The following AUTS2 variants were observed in gnomAD, a reference collection of about 807,000 sequenced individuals.
The protein encoded by AUTS2 is autism susceptibility gene 2 protein.
Under a neutral mutation model 112.4 loss-of-function variants are expected in AUTS2, and 17 were observed. The ratio of observed to expected loss-of-function variants is 0.15; its 90% CI spans 0.10 to 0.23. The LOEUF is 0.23. Among genes scored for constraint, AUTS2 ranks in the 10% least tolerant of loss-of-function variants. The probability of loss-of-function intolerance (pLI) is 1.00; values close to 1 mark genes in which losing one functional copy is unlikely to be tolerated. For synonymous variants in AUTS2, 751 were observed against 702.7 expected, an observed-to-expected ratio of 1.07 and a Z score of -1.09; for missense variants, 1,510 against 1,701.6, an observed-to-expected ratio of 0.89 and a Z score of 1.98.
At chr7:69,656,859 C>T (rs1233317169) in intron 1 of AUTS2, among the ~76,000 whole-genome samples, 1 of 152,156 alleles carries the variant, frequency 6.6e-6, no homozygotes, top group Non-Finnish European at 1.5e-5. Flanking sequence ...GTGATAGTTG[C>T]TGATTCTCCT....
intron 2 of AUTS2, among the ~76,000 whole-genome samples, chr7:70,058,024 A>G (rs895604397): frequency 1.3e-5 from 2 of 152,232 alleles, no homozygotes; most frequent in African/African-American, 4.8e-5. Context: ...AAAGACAGTC[A>G]TGGGAATAAA....
intron 5 of AUTS2, among the ~76,000 whole-genome samples, chr7:70,598,066 G>T (rs546284768): frequency 1.3e-5 from 2 of 152,122 alleles, no homozygotes; most frequent in African/African-American, 4.8e-5. Context: ...TCATAAATCC[G>T]CTTGGTTAAT....
At chr7:70,195,199 A>G (rs1007372614) in intron 4 of AUTS2, among the ~76,000 whole-genome samples, 3 of 152,244 alleles carry the variant, frequency 2.0e-5, no homozygotes, top group Non-Finnish European at 2.9e-5. Context: ...AACTATTAAC[A>G]TAAGTGCTAA....
chr7:70,319,922 GAACAA>G (rs1192363816), intron 4 of AUTS2, among the ~76,000 whole-genome samples: 5 of 152,128 alleles, frequency 3.3e-5, no homozygotes, highest in African/African-American at 1.2e-4. Context: ...ATGAGTGAAT[GAACAA>G]AACAAAATTA....
intron 5 of AUTS2, among the ~76,000 whole-genome samples, chr7:70,608,427 C>T (rs1227705350): frequency 2.6e-5 from 4 of 152,144 alleles, no homozygotes; most frequent in African/African-American, 9.7e-5. Flanking sequence ...GTTTGACAGA[C>T]AAAAAACTGG....
chr7:70,187,282 G>T (rs902558145), intron 4 of AUTS2, among the ~76,000 whole-genome samples: 3 of 152,142 alleles, frequency 2.0e-5, no homozygotes, highest in Admixed American at 2.0e-4. Context: ...TTTAGGATAA[G>T]TTTAAGGAAA....
At chr7:69,728,108 C>A (rs1786606353) in intron 1 of AUTS2, among the ~76,000 whole-genome samples, 2 of 151,820 alleles carry the variant, frequency 1.3e-5, no homozygotes, top group Non-Finnish European at 1.5e-5. Context: ...CTGATGTGGG[C>A]CCCTACACGA....
intron 5 of AUTS2, among the ~76,000 whole-genome samples, chr7:70,511,863 C>T (rs1435946320): frequency 6.6e-6 from 1 of 152,086 alleles, no homozygotes; most frequent in Non-Finnish European, 1.5e-5. Context: ...AGGCATGAAC[C>T]ATCACATCCG....
chr7:69,711,898 T>C (rs1374805756), intron 1 of AUTS2, among the ~76,000 whole-genome samples: 1 of 152,200 alleles, frequency 6.6e-6, no homozygotes, highest in African/African-American at 2.4e-5. Context: ...CATAAAATAA[T>C]GTATATGAAA....
intron 5 of AUTS2, among the ~76,000 whole-genome samples, chr7:70,566,426 G>A (rs374570629): frequency 1.3e-5 from 2 of 152,158 alleles, no homozygotes; most frequent in Non-Finnish European, 2.9e-5. Flanking sequence ...TATCTTTAAT[G>A]TATAATTACA....
chr7:70,114,138 T>G (rs1355179949), intron 2 of AUTS2, among the ~76,000 whole-genome samples: 3 of 152,242 alleles, frequency 2.0e-5, no homozygotes, highest in Non-Finnish European at 4.4e-5. Context: ...TTGTTCTCAT[T>G]CTGGTGCCCA....
intron 5 of AUTS2, among the ~76,000 whole-genome samples, chr7:70,496,247 A>G (rs1798493490): frequency 7.7e-6 from 1 of 130,716 alleles, no homozygotes; most frequent in Admixed American, 8.0e-5. Context: ...TCACACACAC[A>G]CACACACCCC....
intron 2 of AUTS2, among the ~76,000 whole-genome samples, chr7:69,901,891 G>A (rs956175414): frequency 2.6e-5 from 4 of 152,002 alleles, no homozygotes; most frequent in African/African-American, 7.3e-5. Context: ...GAAAATGAAG[G>A]GCTTGGACTT....
chr7:70,750,571 T>C (rs1030573611), intron 6 of AUTS2, among the ~76,000 whole-genome samples: 48 of 151,500 alleles, frequency 3.2e-4, no homozygotes, highest in African/African-American at 1.1e-3. Flanking sequence ...CGGATAACTT[T>C]TGTATTTTTT....
intron 4 of AUTS2, among the ~76,000 whole-genome samples, chr7:70,423,838 G>A (rs973482420): frequency 1.3e-5 from 2 of 152,114 alleles, no homozygotes; most frequent in East Asian, 3.9e-4. Context: ...ATAGTATTGA[G>A]TCTTTAAACA....
At chr7:69,982,162 C>T (rs539682886) in intron 2 of AUTS2, among the ~76,000 whole-genome samples, 1 of 152,056 alleles carries the variant, frequency 6.6e-6, no homozygotes, top group East Asian at 1.9e-4. Flanking sequence ...GCTTTTTTTC[C>T]TAGAGAGGAA....
At chr7:70,399,645 G>A (rs1471340972) in intron 4 of AUTS2, among the ~76,000 whole-genome samples, 1 of 152,038 alleles carries the variant, frequency 6.6e-6, no homozygotes, top group Non-Finnish European at 1.5e-5. Context: ...AAACACTCTT[G>A]TTTGGTTTGA....
intron 4 of AUTS2, among the ~76,000 whole-genome samples, chr7:70,149,648 T>A (rs1807321007): frequency 6.6e-6 from 1 of 152,054 alleles, no homozygotes. Context: ...GTCTTCTCTG[T>A]AGATTATAAA....
At chr7:70,073,349 A>G (rs1385039644) in intron 2 of AUTS2, among the ~76,000 whole-genome samples, 16 of 151,708 alleles carry the variant, frequency 1.1e-4, no homozygotes, top group African/African-American at 7.3e-5. Context: ...CGTCTCTACT[A>G]AAAATACAGG....
Sources: gnomAD v4.1 joint callset for allele counts (sites outside exome capture counted in the v4.1 genomes callset) on GRCh38, gnomAD v4.1.1 for gene constraint, MANE v1.5 for transcripts, NCBI Gene and HGNC (gene_info 2026-07-23, HGNC 2026-07-21) for gene names.